The following GRM7 variants were observed in gnomAD, a reference collection of about 807,000 sequenced individuals.
GRM7 encodes the protein glutamate metabotropic receptor 7, also known as metabotropic glutamate receptor 7.
Under a neutral mutation model 84.5 loss-of-function variants are expected in GRM7, and 35 were observed. The ratio of observed to expected loss-of-function variants is 0.41; its 90% confidence interval spans 0.32 to 0.55. GRM7 has a LOEUF of 0.55. Ranked by LOEUF, GRM7 falls within the 20% of genes least tolerant of loss-of-function variation. GRM7 has a pLI of 0.19. For missense variants in GRM7, 1,003 were observed against 1,194.6 expected, an observed-to-expected ratio of 0.84 and a Z score of 2.36; for synonymous variants, 487 against 455.1, an observed-to-expected ratio of 1.07 and a Z score of -0.89.
chr3:7,005,618 A>G (rs1431281602), intron 1 of GRM7, among the ~76,000 whole-genome samples: 1 of 152,236 alleles, frequency 6.6e-6, no homozygotes, highest in Non-Finnish European at 1.5e-5. Flanking sequence ...TCCTCTGGGC[A>G]GAATTGTATG....
At chr3:7,081,337 C>A (rs1337006416) in intron 1 of GRM7, among the ~76,000 whole-genome samples, 1 of 151,934 alleles carries the variant, frequency 6.6e-6, no homozygotes, top group East Asian at 1.9e-4. Context: ...ATTTTTTATA[C>A]CTGTTAGGAT....
At chr3:7,356,963 C>CACACACACAG (rs1491335534) in intron 4 of GRM7, among the ~76,000 whole-genome samples, 1 of 145,788 alleles carries the variant, frequency 6.9e-6, no homozygotes, top group African/African-American at 2.5e-5. Flanking sequence ...CACACACACA[C>CACACACACAG]AGTTATATGT....
chr3:7,158,879 C>G (rs1694536781), intron 2 of GRM7, among the ~76,000 whole-genome samples: 1 of 152,098 alleles, frequency 6.6e-6, no homozygotes, highest in Non-Finnish European at 1.5e-5. Context: ...ACATGTATTT[C>G]CTAATTCCTT....
intron 7 of GRM7, among the ~76,000 whole-genome samples, chr3:7,473,489 G>GGAGAGAGA (rs372898836): frequency 0.026 from 3,318 of 126,414 alleles, 107 homozygotes; most frequent in Admixed American, 0.056. Context: ...AAAACGAGAG[G>GGAGAGAGA]GAGAGAGAGA....
At chr3:6,888,235 A>G (rs1028557921) in intron 1 of GRM7, among the ~76,000 whole-genome samples, 1 of 151,986 alleles carries the variant, frequency 6.6e-6, no homozygotes, top group South Asian at 2.1e-4. Flanking sequence ...CTTTAGTTTA[A>G]TTAGATCCCA....
At chr3:6,929,408 G>A (rs1697419647) in intron 1 of GRM7, among the ~76,000 whole-genome samples, 1 of 152,174 alleles carries the variant, frequency 6.6e-6, no homozygotes. Flanking sequence ...TCAGAATCCA[G>A]AAACTAGTGA....
At chr3:6,889,280 T>C (rs1332504640) in intron 1 of GRM7, among the ~76,000 whole-genome samples, 1 of 151,968 alleles carries the variant, frequency 6.6e-6, no homozygotes, top group Non-Finnish European at 1.5e-5. Context: ...TGAATAGGAG[T>C]GATGAGAGAG....
chr3:7,219,412 C>T (rs898675386), intron 2 of GRM7, among the ~76,000 whole-genome samples: 3 of 152,146 alleles, frequency 2.0e-5, no homozygotes, highest in Non-Finnish European at 4.4e-5. Flanking sequence ...CTTGACTTTT[C>T]ATACACATTA....
At chr3:7,584,870 C>T (rs1695436527) in intron 8 of GRM7, among the ~76,000 whole-genome samples, 1 of 152,102 alleles carries the variant, frequency 6.6e-6, no homozygotes, top group South Asian at 2.1e-4. Flanking sequence ...TAGAAAATAA[C>T]ATTGCCGACT....
At chr3:7,107,061 C>A (rs567708114) in intron 1 of GRM7, among the ~76,000 whole-genome samples, 1 of 151,982 alleles carries the variant, frequency 6.6e-6, no homozygotes, top group African/African-American at 2.4e-5. Flanking sequence ...GGCTATGACA[C>A]CTGAGGGACA....
At chr3:7,176,928 C>T (rs368952243) in intron 2 of GRM7, among the ~76,000 whole-genome samples, 1 of 152,178 alleles carries the variant, frequency 6.6e-6, no homozygotes, top group Non-Finnish European at 1.5e-5. Context: ...TATAAGTTAA[C>T]CTTCATGTGA....
intron 3 of GRM7, among the ~76,000 whole-genome samples, chr3:7,305,635 AT>A (rs375856676): frequency 2.2e-5 from 1 of 46,014 alleles, no homozygotes; most frequent in Admixed American, 1.9e-4. Flanking sequence ...ACTGAGAATG[AT>A]TTTTTTCTTT....
intron 8 of GRM7, among the ~76,000 whole-genome samples, chr3:7,674,864 T>A (rs1700064951): frequency 6.6e-6 from 1 of 152,164 alleles, no homozygotes; most frequent in Non-Finnish European, 1.5e-5. Flanking sequence ...AAGATAAAAG[T>A]ACCAAAACTA....
intron 2 of GRM7, among the ~76,000 whole-genome samples, chr3:7,169,329 T>G (rs1358072713): frequency 2.0e-5 from 3 of 152,188 alleles, no homozygotes; most frequent in Non-Finnish European, 1.5e-5. Flanking sequence ...TAAAGGTTAC[T>G]CTCTCCAGTC....
chr3:7,645,026 G>C (rs1268095895), intron 8 of GRM7, among the ~76,000 whole-genome samples: 1 of 151,978 alleles, frequency 6.6e-6, no homozygotes, highest in Non-Finnish European at 1.5e-5. Context: ...TGTGTGTTGA[G>C]CATGCAAACA....
At chr3:7,130,249 T>C (rs1693546535) in intron 1 of GRM7, among the ~76,000 whole-genome samples, 1 of 152,074 alleles carries the variant, frequency 6.6e-6, no homozygotes, top group African/African-American at 2.4e-5. Context: ...TTAATAAGAA[T>C]TCATGGCTTA....
chr3:7,142,838 T>C (rs1002674380), intron 1 of GRM7, among the ~76,000 whole-genome samples: 5 of 152,192 alleles, frequency 3.3e-5, no homozygotes, highest in African/African-American at 1.2e-4. Flanking sequence ...AAATAGGTTA[T>C]AGATGTTTTT....
rs960531087 is a variant in GRM7, at chr3:7,142,599, G to T, written c.520-3853G>T. Among the ~76,000 whole-genome samples, 7 of 152,174 alleles carry T rather than the reference G, an allele frequency of 4.6e-5. No homozygotes were observed. The South Asian group carries it at 1.2e-3, about 27-fold the overall frequency. On this transcript the variant is annotated intron_variant, in intron 1 of 9. Transcript: ENST00000357716. Reference sequence around the variant, plus strand: ...GGTCTCTGGAGATGTGGAAATTACGGGGATTATGTAGATTATAGTTCTTGA... The same window carrying T: ...GGTCTCTGGAGATGTGGAAATTACGTGGATTATGTAGATTATAGTTCTTGA...
chr3:7,432,477 C>A (rs917772402), intron 5 of GRM7, among the ~76,000 whole-genome samples: 1 of 151,798 alleles, frequency 6.6e-6, no homozygotes, highest in African/African-American at 2.4e-5. Context: ...TGTGCCACCA[C>A]GCCCTGCTAA....
Sources: gnomAD v4.1 joint callset for allele counts (sites outside exome capture counted in the v4.1 genomes callset) on GRCh38, gnomAD v4.1.1 for gene constraint, MANE v1.5 for transcripts, NCBI Gene and HGNC (gene_info 2026-07-23, HGNC 2026-07-21) for gene names.